Variants in PWP1 observed in about 807,000 individuals in gnomAD.
The protein encoded by PWP1 is periodic tryptophan protein 1 homolog.
A neutral mutation model predicts 69.9 loss-of-function variants in PWP1; 47 were observed. The observed-to-expected ratio is 0.67, with a 90% CI of 0.53 to 0.86. PWP1 has a LOEUF of 0.86. PWP1 is among the 40% of genes least tolerant of loss of function. The pLI, the probability that PWP1 is intolerant of heterozygous loss-of-function variation, is 0.00. For missense variants in PWP1, 551 were observed against 608.8 expected, an observed-to-expected ratio of 0.91 and a Z score of 1.00; for synonymous variants, 222 against 208.2, an observed-to-expected ratio of 1.07 and a Z score of -0.57.
chr12:107,687,013 C>CTGCCTTTA (rs1307081434), intron 1 of PWP1, among the ~76,000 whole-genome samples: 5 of 149,482 alleles, frequency 3.3e-5, no homozygotes, highest in African/African-American at 1.2e-4. Context: ...GAAAAAGACC[C>CTGCCTTTA]TGCCTTTATG....
chr12:107,705,928 T>A (rs1889815275), intron 11 of PWP1, among the ~76,000 whole-genome samples: 1 of 152,206 alleles, frequency 6.6e-6, no homozygotes, highest in Non-Finnish European at 1.5e-5. Context: ...ATGGGATGGC[T>A]GGGTCAAATG....
chr12:107,711,888 A>T (rs965087179), intron 14 of PWP1, among the ~76,000 whole-genome samples: 1 of 152,232 alleles, frequency 6.6e-6, no homozygotes, highest in Non-Finnish European at 1.5e-5. Flanking sequence ...AAGGCGGATC[A>T]GATAAATCCA....
intron 14 of PWP1, among the ~76,000 whole-genome samples, chr12:107,711,313 C>G (rs1889948215): frequency 6.6e-6 from 1 of 152,154 alleles, no homozygotes; most frequent in African/African-American, 2.4e-5. Flanking sequence ...TTCGTAAACC[C>G]ACAACCTTCC....
In PWP1 at chr12:107,699,446, T is replaced by G. The variant is rs1889660643; in HGVS notation, c.806+12T>G. 6.2e-7 allele frequency: 1 copy of G among 1,603,398 alleles called. No individual in the cohort carries two copies. Among genetic ancestry groups the G allele is most frequent in the South Asian group, 1.1e-5 (1 of 90,776 alleles). ...AATAAGCTAATCAGGTAAAAAGAAATAACATTTGAATGATTGTAAAAGACT... is the reference window on the plus strand; with the variant it reads ...AATAAGCTAATCAGGTAAAAAGAAAGAACATTTGAATGATTGTAAAAGACT... On this transcript the variant is annotated intron_variant, in intron 8 of 14. Transcript: ENST00000412830.
chr12:107,710,234 AG>A (rs1192017675), intron 13 of PWP1, among the ~76,000 whole-genome samples, 170 bp from the exon 14 acceptor site: 23 of 152,208 alleles, frequency 1.5e-4, no homozygotes, highest in African/African-American at 5.1e-4. Context: ...TTGTAGTACT[AG>A]CCCTTCTGAC....
At chr12:107,701,668 T>G (rs1889713571) in intron 8 of PWP1, among the ~76,000 whole-genome samples, 1 of 152,052 alleles carries the variant, frequency 6.6e-6, no homozygotes, top group Non-Finnish European at 1.5e-5. Flanking sequence ...GATTCATTTG[T>G]CCCTGAACCA....
Position 107,692,895 on chromosome 12 carries a change from A to C in PWP1, c.401A>C (p.Asp134Ala). Reference sequence around the variant, plus strand: ...CAAGATCCTTACGTTACTCTGAAAGATACAGTAAGTATTTACATCTTTTTT... The same window carrying C: ...CAAGATCCTTACGTTACTCTGAAAGCTACAGTAAGTATTTACATCTTTTTT... ...NDQDPYVTLK[D>A]TEQYEREDFL... The change falls in exon 4 of 15, where the codon GAT becomes GCT. Residue 134 changes from aspartate (D) to alanine (A), a missense_variant. Transcript: ENST00000412830. 1 of 1,613,896 alleles carries C rather than the reference A, an allele frequency of 6.2e-7. No homozygotes were observed. Among genetic ancestry groups the C allele is most frequent in the South Asian group, 1.1e-5 (1 of 91,052 alleles).
chr12:107,712,272 G>T lies in PWP1; in HGVS notation c.*52G>T, dbSNP rs371877269. On this transcript the variant is annotated 3_prime_UTR_variant, in exon 15 of 15. Coordinates refer to ENST00000412830, the MANE Select transcript of PWP1 (RefSeq NM_007062.3). Reference sequence around the variant, plus strand: ...CTTAACTGGGAATTTTAAAAAGTTGGCCTAAAAATGTTCCATGCGTGGCAG... The same window carrying T: ...CTTAACTGGGAATTTTAAAAAGTTGTCCTAAAAATGTTCCATGCGTGGCAG... 1,051 of 1,443,294 alleles carry T rather than the reference G, an allele frequency of 7.3e-4. 9 individuals carry two copies. Among genetic ancestry groups the T allele is most frequent in the Middle Eastern group, 1.0e-3 (6 of 5,770 alleles). The allele number at this position is 1,443,294 out of a possible 1,614,324, so 89.4% of individuals were successfully genotyped here.
intron 2 of PWP1, 49 bp from the exon 3 acceptor site, chr12:107,688,566 A>G: frequency 3.7e-6 from 6 of 1,610,050 alleles, no homozygotes; most frequent in Non-Finnish European, 5.1e-6. Context: ...TGGTCTTGTT[A>G]TTAGAAGGTA....
At chr12:107,710,828 A>G (rs1158852308) in intron 14 of PWP1, among the ~76,000 whole-genome samples, 1 of 152,224 alleles carries the variant, frequency 6.6e-6, no homozygotes, top group African/African-American at 2.4e-5. Context: ...TAGTCTTTTT[A>G]GGAAAGAGAC....
intron 1 of PWP1, among the ~76,000 whole-genome samples, chr12:107,688,058 A>AAAAAAAAAAAAAC: frequency 6.7e-6 from 1 of 149,816 alleles, no homozygotes; most frequent in Non-Finnish European, 1.5e-5. Flanking sequence ...AAAAAAAAAA[A>AAAAAAAAAAAAAC]AAGAACAGAG....
At chr12:107,708,762 G>A (rs942353195) in intron 11 of PWP1, among the ~76,000 whole-genome samples, 164 bp from the exon 12 acceptor site, 3 of 152,198 alleles carry the variant, frequency 2.0e-5, no homozygotes, top group African/African-American at 4.8e-5. Flanking sequence ...GCCCATGTGA[G>A]TGCAAACTCA....
chr12:107,708,161 A>T (rs1425796840), intron 11 of PWP1, among the ~76,000 whole-genome samples: 3 of 152,166 alleles, frequency 2.0e-5, no homozygotes, highest in Non-Finnish European at 2.9e-5. Flanking sequence ...ACTTCCAGAG[A>T]TTATTTGCTA....
intron 4 of PWP1, 48 bp from the exon 5 acceptor site, chr12:107,692,949 CCTT>C (rs1168832466): frequency 6.2e-7 from 1 of 1,611,898 alleles, no homozygotes; most frequent in Non-Finnish European, 8.5e-7. Flanking sequence ...GTTCAAAAAA[CCTT>C]ACTGGCTCTC....
chr12:107,709,527 T>A (rs898800942), intron 13 of PWP1, among the ~76,000 whole-genome samples: 136 of 146,390 alleles, frequency 9.3e-4, no homozygotes, highest in African/African-American at 3.0e-3. Flanking sequence ...TTTTTTTTTT[T>A]AAAACCCTGA....
intron 7 of PWP1, among the ~76,000 whole-genome samples, chr12:107,698,191 G>C (rs1042285082): frequency 3.9e-5 from 6 of 152,116 alleles, no homozygotes; most frequent in African/African-American, 1.4e-4. Context: ...GTGAAACCCT[G>C]TCTCTACTAA....
intron 13 of PWP1, 106 bp from the exon 14 acceptor site, chr12:107,710,299 T>G (rs924713759): frequency 6.7e-7 from 1 of 1,492,484 alleles, no homozygotes; most frequent in Admixed American, 2.3e-5. Context: ...ATAAGTTGGT[T>G]TTGAATAACC....
chr12:107,696,387 A>T, intron 5 of PWP1, 87 bp from the exon 6 acceptor site: 1 of 1,539,920 alleles, frequency 6.5e-7, no homozygotes, highest in South Asian at 1.2e-5. Context: ...GCTCACGTAC[A>T]TTTAATAGAA....
At chr12:107,701,403 T>A (rs888625986) in intron 8 of PWP1, among the ~76,000 whole-genome samples, 2 of 152,234 alleles carry the variant, frequency 1.3e-5, no homozygotes, top group African/African-American at 4.8e-5. Context: ...GGTTGTTTTT[T>A]CACTTTCTTG....
Sources: allele counts gnomAD v4.1 joint callset (sites outside exome capture counted in the v4.1 genomes callset), GRCh38; gene constraint gnomAD v4.1.1; transcripts MANE v1.5; gene names NCBI Gene and HGNC (gene_info 2026-07-23, HGNC 2026-07-21).